Variants in CCDC187 observed in about 807,000 individuals in gnomAD.
CCDC187 encodes the protein coiled-coil domain-containing protein 187.
In CCDC187, 32 loss-of-function variants were observed where a neutral mutation model predicts 38.0. The observed-to-expected ratio is 0.84, with a 90% confidence interval of 0.64 to 1.13. The LOEUF (loss-of-function observed/expected upper bound fraction) is 1.13, where lower values mean the gene tolerates loss of function less well. CCDC187 is among the 50% of genes most tolerant of loss of function. CCDC187 has a pLI of 0.00. For synonymous variants in CCDC187, 333 were observed against 347.9 expected (o/e 0.96, Z 0.48); for missense variants, 707 against 786.8 (o/e 0.90, Z 1.21).
chr9:136,293,431 ATG>A (rs1831419841), intron 4 of CCDC187, among the ~76,000 whole-genome samples: 23 of 89,892 alleles, frequency 2.6e-4, no homozygotes, highest in Non-Finnish European at 3.5e-4. Context: ...ATACTCTCAC[ATG>A]CTCACACACT....
intron 12 of CCDC187, among the ~76,000 whole-genome samples, chr9:136,275,368 G>T (rs1830911824): frequency 2.0e-5 from 3 of 152,160 alleles, no homozygotes; most frequent in Admixed American, 2.0e-4. Flanking sequence ...GCGGGGAGCA[G>T]GGAGGGAACA....
rs542496162 is a variant in CCDC187 at position 136,260,151 on chromosome 9, G to A, written c.4178C>T (p.Pro1393Leu). 1.2e-5 allele frequency: 12 copies of A among 985,384 alleles called. No homozygotes were observed. The highest frequency in any genetic ancestry group is 7.2e-6 in the Non-Finnish European group (6 of 829,968). 61.0% of individuals were successfully genotyped at this position (985,384 alleles called of 1,614,324 possible). The change falls in exon 20 of 26, where the codon CCG becomes CTG. Residue 1393 changes from proline to leucine, a missense_variant. Physicochemically the swap from Pro to Leu is moderately conservative, Grantham distance 98. Transcript: ENST00000638797. ...GACATGGCTGCCACTCTCCACCAGC[G>A]GGCCCTGGGGGTCGTGTGTGTCCTC... Reference protein sequence around the residue: ...WGEDTHDPQGPLVESGSHVSQ... With the variant: ...WGEDTHDPQGLLVESGSHVSQ...
At chr9:136,300,013 C>T (rs1263333355) in intron 3 of CCDC187, among the ~76,000 whole-genome samples, 1 of 152,250 alleles carries the variant, frequency 6.6e-6, no homozygotes, top group Non-Finnish European at 1.5e-5. Flanking sequence ...CTGCCTGGGT[C>T]CTGCCCCACT....
At chr9:136,293,425 TCTCACATGCTCA>T (rs1268083864) in intron 4 of CCDC187, among the ~76,000 whole-genome samples, 16 of 100,830 alleles carry the variant, frequency 1.6e-4, no homozygotes, top group East Asian at 3.5e-4. Context: ...GCTCACATAC[TCTCACATGCTCA>T]CACACTCACA....
In CCDC187 at chr9:136,251,212, A is replaced by G. The variant is rs1554759365; in HGVS notation, c.*2382T>C. 1 of 345,484 alleles carries G rather than the reference A, an allele frequency of 2.9e-6. No homozygotes were observed. The highest frequency in any genetic ancestry group is 2.1e-5 in the African/African-American group (1 of 46,636). The allele number at this position is 345,484 out of a possible 1,614,324, so 21.4% of individuals were successfully genotyped here. A position where few individuals can be genotyped will look rare whatever the true frequency, so the allele number is the denominator to read the frequency against. On this transcript the variant is annotated 3_prime_UTR_variant, in exon 26 of 26. Transcript: ENST00000638797. ...AGACCCTCAGATTCAAAAGGGTCCC[A>G]GAGAAATTACAGGGGTCCCAGTGAA...
chr9:136,283,000 C>T (rs982151469), intron 9 of CCDC187, among the ~76,000 whole-genome samples: 1 of 152,224 alleles, frequency 6.6e-6, no homozygotes, highest in Non-Finnish European at 1.5e-5. Flanking sequence ...CCTGTAATCC[C>T]AGCACTTTGG....
chr9:136,280,479 C>T (rs1831017128), intron 10 of CCDC187, among the ~76,000 whole-genome samples: 1 of 152,292 alleles, frequency 6.6e-6, no homozygotes, highest in South Asian at 2.1e-4. Context: ...GACAAGCCCT[C>T]CCCTCCATAC....
rs1554761854 is a variant in CCDC187 at position 136,267,464 on chromosome 9, C to T, written c.3567G>A (p.Gln1189=). The T allele has an allele frequency of 7.1e-6, 7 of 985,636 alleles. No individual in the cohort carries two copies. Among genetic ancestry groups the T allele is most frequent in the Non-Finnish European group, 8.4e-6 (7 of 830,162 alleles). 61.1% of individuals were successfully genotyped at this position (985,636 alleles called of 1,614,324 possible). A position where few individuals can be genotyped will look rare whatever the true frequency, so the allele number is the denominator to read the frequency against. Residue 1189 remains glutamine (Q), a synonymous_variant, in exon 16 of 26, where the codon CAG becomes CAA. Transcript: ENST00000638797. ...TCTCTCGCAGGCGCAGCAGCGCGGC[C>T]TGGTGCTGTGCTCGCAGCTCCTCCT... ...LREEELRAQH[Q]AALLRLREMA...
At chr9:136,269,315 C>A (rs1830801319) in intron 14 of CCDC187, among the ~76,000 whole-genome samples, 1 of 152,194 alleles carries the variant, frequency 6.6e-6, no homozygotes, top group Non-Finnish European at 1.5e-5. Flanking sequence ...CTGAAAGGAC[C>A]AAATTACTTC....
chr9:136,265,807 T>G (rs35667158), intron 17 of CCDC187, 149 bp downstream of exon 17: 166,732 of 216,104 alleles, frequency 0.77, 66,198 homozygotes, highest in East Asian at 0.89. Flanking sequence ...CTTCTATACT[T>G]CGGGGTCCTG....
chr9:136,295,262 G>A (rs903457809), intron 4 of CCDC187, among the ~76,000 whole-genome samples: 1 of 152,206 alleles, frequency 6.6e-6, no homozygotes, highest in African/African-American at 2.4e-5. Flanking sequence ...CCAGGGACCC[G>A]CCTGGGGAGG....
At position 136,303,982 on chromosome 9, in the gene CCDC187, G is replaced by T. The variant is rs947487359; in HGVS notation, c.-152C>A. On this transcript the variant is annotated 5_prime_UTR_variant, in exon 1 of 26. Transcript: ENST00000638797. Reference sequence around the variant, plus strand: ...GGCCACTGCCTGGCTCCGGATGCCCGCCTGCGCCGGTCCCCTGGCCCACGA... The same window carrying T: ...GGCCACTGCCTGGCTCCGGATGCCCTCCTGCGCCGGTCCCCTGGCCCACGA... 1 of 152,352 alleles carries T rather than the reference G, an allele frequency of 6.6e-6. No individual in the cohort carries two copies. Among genetic ancestry groups the T allele is most frequent in the Non-Finnish European group, 1.5e-5 (1 of 68,170 alleles). The allele number at this position is 152,352 out of a possible 1,614,324, so 9.4% of individuals were successfully genotyped here. A position where few individuals can be genotyped will look rare whatever the true frequency, so the allele number is the denominator to read the frequency against.
At chr9:136,265,786 CG>C (rs1317527344) in intron 17 of CCDC187, 169 bp downstream of exon 17, 1 of 181,694 alleles carries the variant, frequency 5.5e-6, no homozygotes, top group African/African-American at 2.4e-5. Context: ...CCTCTTGGGC[CG>C]TGGACACTCC....
At chr9:136,303,396 G>A in intron 1 of CCDC187, 103 bp from the exon 2 acceptor site, 1 of 381,172 alleles carries the variant, frequency 2.6e-6, no homozygotes, top group East Asian at 3.7e-5. Flanking sequence ...CTGCTCCACA[G>A]ACTGGAGGTG....
intron 4 of CCDC187, among the ~76,000 whole-genome samples, chr9:136,293,291 A>G (rs1337514193): frequency 6.8e-6 from 1 of 147,684 alleles, no homozygotes; most frequent in Admixed American, 6.7e-5. Context: ...ATGCTCACAC[A>G]CTCACAAACA....
At chr9:136,285,375 A>G in intron 9 of CCDC187, 138 bp downstream of exon 9, 1 of 402,400 alleles carries the variant, frequency 2.5e-6, no homozygotes, top group African/African-American at 2.1e-5. Flanking sequence ...CTGGACCAGC[A>G]TGACGGGGAC....
Position 136,265,946 on chromosome 9 carries a change from C to T in CCDC187, c.3735+10G>A. On this transcript the variant is annotated intron_variant, in intron 17 of 25. Transcript: ENST00000638797. Reference sequence around the variant, plus strand: ...CCCACCCTGACCCACCAGGCCTGTGCTGGCCCCACCTGCTCCTTCTCCAAT... The same window carrying T: ...CCCACCCTGACCCACCAGGCCTGTGTTGGCCCCACCTGCTCCTTCTCCAAT... The T allele has an allele frequency of 8.1e-6, 8 of 985,380 alleles. No homozygotes were observed. The highest frequency in any genetic ancestry group is 9.6e-6 in the Non-Finnish European group (8 of 829,828). 61.0% of individuals were successfully genotyped at this position (985,380 alleles called of 1,614,324 possible).
Position 136,262,319 on chromosome 9 carries a change from C to A in CCDC187, c.4056G>T (p.Lys1352Asn). ...AAGACCAACCAACTCACCGCGTGGC[C>A]TTTGAGCTTGCGGGGCTGCTCTGGG... ...HRPQSSPASSKATRPPTEQQD... is the reference protein window; with the variant it reads ...HRPQSSPASSNATRPPTEQQD... Residue 1352 changes from lysine to asparagine, a missense_variant, in exon 19 of 26, where the codon AAG becomes AAT. Physicochemically the swap from Lys to Asn is moderately conservative, Grantham distance 94. Transcript: ENST00000638797. The A allele has an allele frequency of 1.0e-6, 1 of 986,562 alleles. No individual in the cohort carries two copies. Among genetic ancestry groups the A allele is most frequent in the Non-Finnish European group, 1.2e-6 (1 of 830,824 alleles). 61.1% of individuals were successfully genotyped at this position (986,562 alleles called of 1,614,324 possible). A position where few individuals can be genotyped will look rare whatever the true frequency, so the allele number is the denominator to read the frequency against.
chr9:136,297,684 G>A (rs936903000), intron 4 of CCDC187, 30 bp downstream of exon 4: 4 of 399,114 alleles, frequency 1.0e-5, no homozygotes, highest in East Asian at 3.6e-5. Context: ...TGCACCTAGC[G>A]TGCCAGGGCC....
Sources: gnomAD v4.1 joint callset for allele counts (sites outside exome capture counted in the v4.1 genomes callset) on GRCh38, gnomAD v4.1.1 for gene constraint, MANE v1.5 for transcripts, NCBI Gene and HGNC (gene_info 2026-07-23, HGNC 2026-07-21) for gene names.